ZNF610: variants seen among roughly 807,000 people sequenced by gnomAD.
ZNF610 encodes zink finger protein.
A neutral mutation model predicts 14.1 loss-of-function variants in ZNF610; 14 were observed. The ratio of observed to expected loss-of-function variants is 0.99; its 90% confidence interval spans 0.65 to 1.55. ZNF610 has a LOEUF of 1.55. Ranked by LOEUF, ZNF610 falls within the 40% of genes most tolerant of loss-of-function variation. The probability of loss-of-function intolerance (pLI) is 0.00; values close to 1 mark genes in which losing one functional copy is unlikely to be tolerated. For missense variants in ZNF610, 530 were observed against 558.0 expected, an observed-to-expected ratio of 0.95 and a Z score of 0.51; for synonymous variants, 185 against 187.6, an observed-to-expected ratio of 0.99 and a Z score of 0.11.
intron 5 of ZNF610, 121 bp downstream of exon 5, chr19:52,354,500 A>T: frequency 8.9e-7 from 1 of 1,126,418 alleles, no homozygotes; most frequent in East Asian, 2.6e-5. Context: ...GCAGCCTCAA[A>T]CTCCTGGACT....
intron 1 of ZNF610, among the ~76,000 whole-genome samples, chr19:52,336,790 G>C (rs1480192612): frequency 2.6e-5 from 4 of 152,194 alleles, no homozygotes; most frequent in East Asian, 1.9e-4. Context: ...CCTCCCCTTC[G>C]CAGCCATCGC....
chr19:52,334,485 C>T (rs922621019), upstream of ZNF610, among the ~76,000 whole-genome samples: 1 of 143,294 alleles, frequency 7.0e-6, no homozygotes, highest in African/African-American at 2.6e-5. Flanking sequence ...TGCACTCCAG[C>T]ATGGGTATTG....
At chr19:52,355,897 C>A (rs1196631110) in intron 5 of ZNF610, among the ~76,000 whole-genome samples, 1 of 152,216 alleles carries the variant, frequency 6.6e-6, no homozygotes, top group Non-Finnish European at 1.5e-5. Context: ...GCATTTGGAA[C>A]CTCTTGTGAC....
At position 52,367,112 on chromosome 19, in the gene ZNF610, A is replaced by AT. The variant is rs1986140583; in HGVS notation, c.*345_*346insT. On this transcript the variant is annotated 3_prime_UTR_variant, in exon 6 of 6. Coordinates refer to ENST00000403906, the MANE Select transcript of ZNF610 (RefSeq NM_001161425.2). ...TCATGTTTTAAGTAATAAAGTTTAA[A>AT]GTTTTTTTTTAGTTTTTTCTTTTTT... The AT allele has an allele frequency of 2.5e-5, 3 of 117,930 alleles. No homozygotes were observed. The highest frequency in any genetic ancestry group is 1.1e-4 in the Admixed American group (1 of 8,766). The allele number at this position is 117,930 out of a possible 1,614,324, so 7.3% of individuals were successfully genotyped here.
intron 3 of ZNF610, among the ~76,000 whole-genome samples, chr19:52,351,606 C>T (rs1985256004): frequency 6.6e-6 from 1 of 152,002 alleles, no homozygotes; most frequent in Non-Finnish European, 1.5e-5. Flanking sequence ...TGCTTGTCAC[C>T]TCCTCACTGA....
intron 1 of ZNF610, among the ~76,000 whole-genome samples, chr19:52,340,217 G>A (rs1305907748): frequency 3.9e-5 from 6 of 152,040 alleles, no homozygotes; most frequent in African/African-American, 4.8e-5. Flanking sequence ...CCTGGCCAAC[G>A]TGGTGAAAAA....
intron 1 of ZNF610, among the ~76,000 whole-genome samples, chr19:52,340,994 T>C (rs1282432405): frequency 6.6e-6 from 1 of 152,162 alleles, no homozygotes; most frequent in African/African-American, 2.4e-5. Context: ...GGAATTATTT[T>C]GGTCAGCATA....
chr19:52,352,834 G>GC (rs1568650492), intron 3 of ZNF610, among the ~76,000 whole-genome samples: 1 of 151,472 alleles, frequency 6.6e-6, no homozygotes, highest in Non-Finnish European at 1.5e-5. Context: ...TTAATATCAT[G>GC]TTTTTTTTGT....
At chr19:52,357,034 TCA>T (rs1008743350) in intron 5 of ZNF610, among the ~76,000 whole-genome samples, 1 of 152,184 alleles carries the variant, frequency 6.6e-6, no homozygotes, top group Non-Finnish European at 1.5e-5. Flanking sequence ...GGTTGAGGGC[TCA>T]GTCTCCAATA....
intron 1 of ZNF610, among the ~76,000 whole-genome samples, chr19:52,344,505 A>C (rs181248584): frequency 6.6e-6 from 1 of 152,252 alleles, no homozygotes; most frequent in Non-Finnish European, 1.5e-5. Context: ...CTCTGAGTGG[A>C]GCTCAGCCCT....
chr19:52,344,073 A>G (rs1984817100), intron 1 of ZNF610: 1 of 152,118 alleles, frequency 6.6e-6, no homozygotes, highest in Non-Finnish European at 1.5e-5. Context: ...GGGGTGATGC[A>G]TCACTCGTGA....
chr19:52,346,809 AACCTCC>A (rs533888225), intron 1 of ZNF610, among the ~76,000 whole-genome samples: 9 of 151,500 alleles, frequency 5.9e-5, no homozygotes, highest in African/African-American at 7.3e-5. Flanking sequence ...GGCTCACTGG[AACCTCC>A]ACCTCCAGGG....
upstream of ZNF610, among the ~76,000 whole-genome samples, chr19:52,334,318 G>T (rs945957938): frequency 1.5e-5 from 1 of 65,152 alleles, no homozygotes; most frequent in African/African-American, 6.7e-5. Flanking sequence ...TTCAAGACCA[G>T]CCTGACCAAC....
intron 5 of ZNF610, among the ~76,000 whole-genome samples, chr19:52,364,289 CT>C (rs1985918764): frequency 6.6e-6 from 1 of 152,014 alleles, no homozygotes; most frequent in South Asian, 2.1e-4. Flanking sequence ...TTTTTGTTTT[CT>C]TTTTTAATTT....
chr19:52,338,882 A>C (rs148605104), intron 1 of ZNF610, among the ~76,000 whole-genome samples: 53 of 152,096 alleles, frequency 3.5e-4, no homozygotes, highest in Non-Finnish European at 3.2e-4. Flanking sequence ...AGAGAAAGAA[A>C]AGTGGGCCCA....
chr19:52,353,556 T>C (rs1222652343), intron 3 of ZNF610, 126 bp from the exon 4 acceptor site: 8 of 1,024,248 alleles, frequency 7.8e-6, no homozygotes, highest in Non-Finnish European at 1.1e-5. Context: ...GAGATTGGAA[T>C]TGAAGTTTCT....
intron 1 of ZNF610, among the ~76,000 whole-genome samples, chr19:52,346,798 C>T (rs955281188): frequency 2.6e-5 from 4 of 151,912 alleles, no homozygotes; most frequent in South Asian, 2.1e-4. Flanking sequence ...GGTGCGGTCT[C>T]GGCTCACTGG....
intron 1 of ZNF610, among the ~76,000 whole-genome samples, chr19:52,344,325 C>G (rs1261179696): frequency 6.6e-6 from 1 of 152,152 alleles, no homozygotes; most frequent in African/African-American, 2.4e-5. Flanking sequence ...TGTGACCCCC[C>G]CATAGCCCCC....
chr19:52,350,001 G>C (rs1264942997), intron 3 of ZNF610, among the ~76,000 whole-genome samples: 1 of 152,128 alleles, frequency 6.6e-6, no homozygotes, highest in East Asian at 1.9e-4. Flanking sequence ...TGTCTGGCTT[G>C]GTTCAGAGAG....
Sources: gnomAD v4.1 joint callset for allele counts (sites outside exome capture counted in the v4.1 genomes callset) on GRCh38, gnomAD v4.1.1 for gene constraint, MANE v1.5 for transcripts, NCBI Gene and HGNC (gene_info 2026-07-23, HGNC 2026-07-21) for gene names.